The following SMAP1 variants were observed in gnomAD, a reference collection of about 807,000 sequenced individuals.
SMAP1 encodes stromal membrane-associated protein 1.
Under a neutral mutation model 58.5 loss-of-function variants are expected in SMAP1, and 24 were observed. The ratio of observed to expected loss-of-function variants is 0.41; its 90% CI spans 0.30 to 0.58. The LOEUF (loss-of-function observed/expected upper bound fraction) is 0.58, where lower values mean the gene tolerates loss of function less well. Ranked by LOEUF, SMAP1 falls within the 20% of genes least tolerant of loss-of-function variation. The pLI is 0.29. For missense variants in SMAP1, 563 were observed against 566.3 expected, an observed-to-expected ratio of 0.99 and a Z score of 0.06; for synonymous variants, 216 against 196.6, an observed-to-expected ratio of 1.10 and a Z score of -0.82.
intron 1 of SMAP1, chr6:70,694,213 A>C: frequency 7.2e-6 from 2 of 279,490 alleles, no homozygotes; most frequent in Non-Finnish European, 1.4e-5. Context: ...TGGATAAGGC[A>C]TCTCAAGAGA....
chr6:70,684,809 G>C (rs538814194), intron 1 of SMAP1, among the ~76,000 whole-genome samples: 2 of 152,048 alleles, frequency 1.3e-5, no homozygotes, highest in Non-Finnish European at 2.9e-5. Context: ...TTGTCTGTGG[G>C]TTAGTAGTCA....
chr6:70,855,776 G>A (rs1771392298), intron 8 of SMAP1, among the ~76,000 whole-genome samples: 1 of 152,150 alleles, frequency 6.6e-6, no homozygotes, highest in East Asian at 1.9e-4. Flanking sequence ...TTAGCTCTAT[G>A]ATCTGCTGCT....
At chr6:70,740,039 G>A (rs1284486783) in intron 2 of SMAP1, among the ~76,000 whole-genome samples, 2 of 152,016 alleles carry the variant, frequency 1.3e-5, no homozygotes, top group Non-Finnish European at 2.9e-5. Flanking sequence ...GTAGGTTACA[G>A]TTTTAATCTG....
intron 2 of SMAP1, among the ~76,000 whole-genome samples, chr6:70,753,673 C>T (rs1485289907): frequency 6.6e-6 from 1 of 152,084 alleles, no homozygotes; most frequent in Admixed American, 6.6e-5. Flanking sequence ...AGCCCTCTGA[C>T]TTTATACTGT....
intron 1 of SMAP1, among the ~76,000 whole-genome samples, chr6:70,672,920 G>A (rs1018105557): frequency 2.6e-5 from 4 of 151,916 alleles, no homozygotes; most frequent in African/African-American, 9.7e-5. Context: ...TTTCCATACG[G>A]CCCTTACTAG....
chr6:70,802,339 A>G (rs1385668898), intron 6 of SMAP1, among the ~76,000 whole-genome samples: 3 of 152,040 alleles, frequency 2.0e-5, no homozygotes, highest in African/African-American at 7.2e-5. Context: ...AATGCTTGTG[A>G]TTTTTACACA....
chr6:70,722,800 A>G (rs935585377), intron 1 of SMAP1, among the ~76,000 whole-genome samples: 1 of 152,238 alleles, frequency 6.6e-6, no homozygotes, highest in Non-Finnish European at 1.5e-5. Flanking sequence ...TGGTTTAAGA[A>G]CGCCTTTAAG....
chr6:70,735,983 A>G lies in SMAP1; in HGVS notation c.252+3472A>G, dbSNP rs181286567. Reference sequence around the variant, plus strand: ...ATGATTTAATCTTTGAGCCCAGTCAAGCTGTTAAATAAAAATGTTCTTTGT... The same window carrying G: ...ATGATTTAATCTTTGAGCCCAGTCAGGCTGTTAAATAAAAATGTTCTTTGT... On this transcript the variant is annotated intron_variant, in intron 2 of 10. Coordinates refer to ENST00000370455, the MANE Select transcript of SMAP1 (RefSeq NM_001044305.3). Among the ~76,000 whole-genome samples, 7 of 152,256 alleles carry G rather than the reference A, an allele frequency of 4.6e-5. No homozygotes were observed. The East Asian group carries it at 1.2e-3, about 25-fold the overall frequency.
chr6:70,842,740 AG>A (rs990776367), intron 7 of SMAP1, among the ~76,000 whole-genome samples: 1 of 152,182 alleles, frequency 6.6e-6, no homozygotes, highest in African/African-American at 2.4e-5. Context: ...CAGTGAGCGC[AG>A]GGAGCCAGCT....
chr6:70,717,591 C>T (rs1768327251), intron 1 of SMAP1, among the ~76,000 whole-genome samples: 1 of 152,146 alleles, frequency 6.6e-6, no homozygotes, highest in Non-Finnish European at 1.5e-5. Context: ...AGACTGTCGG[C>T]CAGTTTCTGG....
chr6:70,676,934 C>G (rs981881162), intron 1 of SMAP1, among the ~76,000 whole-genome samples: 50 of 152,082 alleles, frequency 3.3e-4, no homozygotes, highest in African/African-American at 1.2e-3. Context: ...AGGCTTGTCA[C>G]CATGTATGGC....
intron 6 of SMAP1, among the ~76,000 whole-genome samples, chr6:70,825,372 T>A (rs1770071643): frequency 6.6e-6 from 1 of 152,184 alleles, no homozygotes; most frequent in African/African-American, 2.4e-5. Flanking sequence ...GGTGTTTGGC[T>A]AATTTTTTTC....
chr6:70,695,233 T>G (rs781969), intron 1 of SMAP1, among the ~76,000 whole-genome samples: 76,726 of 151,972 alleles, frequency 0.5, 19,742 homozygotes, highest in African/African-American at 0.55. Context: ...TACAGACAAG[T>G]ATACTTTGAC....
intron 1 of SMAP1, among the ~76,000 whole-genome samples, chr6:70,714,817 A>C (rs1254812533): frequency 6.6e-6 from 1 of 152,080 alleles, no homozygotes; most frequent in African/African-American, 2.4e-5. Flanking sequence ...CTTGGCTTTT[A>C]TTGGTTTGAG....
intron 5 of SMAP1, among the ~76,000 whole-genome samples, chr6:70,796,600 A>G (rs551116809): frequency 6.6e-6 from 1 of 152,300 alleles, no homozygotes; most frequent in East Asian, 1.9e-4. Context: ...GTTTCTAGTT[A>G]TCCTTAAAGG....
intron 6 of SMAP1, among the ~76,000 whole-genome samples, chr6:70,810,186 T>C (rs536470134): frequency 6.6e-6 from 1 of 152,244 alleles, no homozygotes; most frequent in Non-Finnish European, 1.5e-5. Flanking sequence ...TTCTTTTTCT[T>C]GAGATAGGGT....
At chr6:70,729,738 TG>T (rs1765350555) in intron 1 of SMAP1, among the ~76,000 whole-genome samples, 1 of 152,136 alleles carries the variant, frequency 6.6e-6, no homozygotes. Context: ...ATTTCATATT[TG>T]TTCGTTTCCA....
intron 3 of SMAP1, among the ~76,000 whole-genome samples, chr6:70,772,453 T>C (rs1767369841): frequency 6.6e-6 from 1 of 152,162 alleles, no homozygotes; most frequent in Non-Finnish European, 1.5e-5. Context: ...TCTGTAATTA[T>C]GTGTGTTTTA....
intron 2 of SMAP1, among the ~76,000 whole-genome samples, chr6:70,741,644 A>G (rs1765817910): frequency 6.6e-6 from 1 of 152,126 alleles, no homozygotes; most frequent in Non-Finnish European, 1.5e-5. Context: ...TGAGGTCTGG[A>G]GGATGGTGAC....
Sources: gnomAD v4.1 joint callset for allele counts (sites outside exome capture counted in the v4.1 genomes callset) on GRCh38, gnomAD v4.1.1 for gene constraint, MANE v1.5 for transcripts, NCBI Gene and HGNC (gene_info 2026-07-23, HGNC 2026-07-21) for gene names.